The following STK32C variants were observed in gnomAD, a reference collection of about 807,000 sequenced individuals.
STK32C encodes serine/threonine-protein kinase 32C.
Under a neutral mutation model 56.5 loss-of-function variants are expected in STK32C, and 31 were observed. The observed-to-expected ratio is 0.55, with a 90% CI of 0.41 to 0.74. The LOEUF (loss-of-function observed/expected upper bound fraction) is 0.74. Ranked by LOEUF, STK32C falls within the 30% of genes least tolerant of loss-of-function variation. The probability of loss-of-function intolerance (pLI) is 0.00; values close to 1 mark genes in which losing one functional copy is unlikely to be tolerated. For synonymous variants in STK32C, 309 were observed against 289.4 expected (o/e 1.07, Z -0.69); for missense variants, 544 against 676.9 (o/e 0.80, Z 2.18).
intron 1 of STK32C, among the ~76,000 whole-genome samples, chr10:132,283,008 G>C (rs985479581): frequency 3.3e-5 from 5 of 152,190 alleles, no homozygotes; most frequent in Non-Finnish European, 7.4e-5. Context: ...ACATTCCCAG[G>C]GGTCCTGACC....
intron 1 of STK32C, among the ~76,000 whole-genome samples, chr10:132,254,758 G>C: frequency 6.6e-6 from 1 of 150,452 alleles, no homozygotes; most frequent in Admixed American, 6.6e-5. Flanking sequence ...AGGGCGCCGG[G>C]AATCAGCACT....
At chr10:132,221,495 C>T (rs1251791607) in intron 10 of STK32C, among the ~76,000 whole-genome samples, 1 of 141,034 alleles carries the variant, frequency 7.1e-6, no homozygotes, top group East Asian at 2.2e-4. Context: ...GAGGGCTTCA[C>T]GTGGCCATCC....
At chr10:132,305,813 G>A (rs764875906) in intron 1 of STK32C, among the ~76,000 whole-genome samples, 2 of 152,200 alleles carry the variant, frequency 1.3e-5, no homozygotes, top group Non-Finnish European at 2.9e-5. Context: ...TCTGCTATTC[G>A]GGCCAGGGCC....
exon 1 of STK32C, chr10:132,331,672 C>T (rs986985992): frequency 5.6e-6 from 9 of 1,612,696 alleles, no homozygotes; most frequent in African/African-American, 5.3e-5. Flanking sequence ...TTCTTTTCTG[C>T]TCGGCTGTCC....
intron 1 of STK32C, among the ~76,000 whole-genome samples, chr10:132,278,856 T>TA (rs753654398): frequency 6.6e-6 from 1 of 151,820 alleles, no homozygotes; most frequent in Non-Finnish European, 1.5e-5. Context: ...ACAAGGAACT[T>TA]ATACAGATTA....
chr10:132,305,121 C>T (rs536838316), intron 1 of STK32C, among the ~76,000 whole-genome samples: 19 of 152,296 alleles, frequency 1.2e-4, no homozygotes, highest in African/African-American at 4.6e-4. Flanking sequence ...AAGTTCAACC[C>T]CAAAAATGAA....
intron 1 of STK32C, among the ~76,000 whole-genome samples, chr10:132,329,362 C>T (rs1009528483): frequency 4.6e-5 from 7 of 151,916 alleles, no homozygotes; most frequent in African/African-American, 7.3e-5. Context: ...TACAGTGAGC[C>T]GAGATCACAC....
At chr10:132,248,807 G>A (rs2063780923) in intron 1 of STK32C, among the ~76,000 whole-genome samples, 1 of 152,192 alleles carries the variant, frequency 6.6e-6, no homozygotes. Context: ...GCCTCCCCCA[G>A]GACCCCAAGC....
At position 132,257,077 on chromosome 10, in the gene STK32C, G is replaced by T. The variant is rs567142681; in HGVS notation, c.263-11122C>A. Among the ~76,000 whole-genome samples, 11 of 152,320 alleles carry T rather than the reference G, an allele frequency of 7.2e-5. No homozygotes were observed. The East Asian group carries it at 1.5e-3, about 21-fold the overall frequency. ...TGGGCAGGGCCCTGTGTCCTGGGGT[G>T]TGGCTGCACCAAGGGCCACACTCAG... On this transcript the variant is annotated intron_variant, in intron 1 of 11. Transcript: ENST00000298630.
chr10:132,287,976 A>C (rs2065457991), intron 1 of STK32C, among the ~76,000 whole-genome samples: 1 of 152,184 alleles, frequency 6.6e-6, no homozygotes, highest in African/African-American at 2.4e-5. Flanking sequence ...AGTAATAAAT[A>C]GTGTTGAACT....
At chr10:132,331,613 G>T (rs1217876798) in exon 1 of STK32C, 1 of 1,612,896 alleles carries the variant, frequency 6.2e-7, no homozygotes, top group Non-Finnish European at 8.5e-7. Flanking sequence ...GAGCCCAGCG[G>T]GAAGGACAGG....
chr10:132,252,220 G>A (rs917961829), intron 1 of STK32C, among the ~76,000 whole-genome samples: 3 of 152,254 alleles, frequency 2.0e-5, no homozygotes, highest in Admixed American at 6.5e-5. Context: ...CAGGAAGGAG[G>A]GAGACAACCT....
At chr10:132,331,957 G>A, upstream of STK32C, 1 of 498,022 alleles carries the variant, frequency 2.0e-6, no homozygotes, top group Non-Finnish European at 3.3e-6. Context: ...CAGCGCAGGC[G>A]CACCACACCC....
upstream of STK32C, among the ~76,000 whole-genome samples, chr10:132,308,480 A>G (rs1312457023): frequency 1.3e-5 from 2 of 150,278 alleles, no homozygotes; most frequent in Admixed American, 6.6e-5. Context: ...GCCGGGCTGC[A>G]GGCCCGGGAT....
chr10:132,267,453 G>A (rs963013069), intron 1 of STK32C, among the ~76,000 whole-genome samples: 3 of 152,232 alleles, frequency 2.0e-5, no homozygotes, highest in Non-Finnish European at 4.4e-5. Flanking sequence ...GCGTGTGCAT[G>A]CATGTGTATG....
upstream of STK32C, among the ~76,000 whole-genome samples, chr10:132,311,941 G>A (rs1489647993): frequency 6.6e-6 from 1 of 152,178 alleles, no homozygotes; most frequent in Non-Finnish European, 1.5e-5. The surrounding 1 kb of genome is among the most constrained non-coding windows in gnomAD (Gnocchi z 4.4). Context: ...TGGGCAGCAT[G>A]GATTCACCAC....
intron 1 of STK32C, among the ~76,000 whole-genome samples, chr10:132,275,225 A>G (rs1170840614): frequency 2.0e-5 from 3 of 152,190 alleles, no homozygotes; most frequent in African/African-American, 7.2e-5. Context: ...GTCTCTGGGC[A>G]GTGCTGCCCC....
At chr10:132,249,787 T>C (rs1397923726) in intron 1 of STK32C, among the ~76,000 whole-genome samples, 4 of 152,188 alleles carry the variant, frequency 2.6e-5, no homozygotes, top group Admixed American at 2.6e-4. Context: ...TTCAGGCTCC[T>C]GTCCCCAGCT....
chr10:132,224,443 G>T lies in STK32C; in HGVS notation c.957C>A (p.Pro319=). The change falls in exon 8 of 12, where the codon CCC becomes CCA. Residue 319 remains proline (P), a synonymous_variant. Transcript: ENST00000298630. ...LFSTVSVQYV[P]TWSKEMVALL... is the part of the protein sequence containing the mutation. ...AGGCCACCATCTCCTTGGACCACGT[G>T]GGGACATACTGGACGCTCACGGTGC... is the stretch of plus-strand genomic sequence containing the variant. 1 of 1,560,356 alleles carries T rather than the reference G, an allele frequency of 6.4e-7. No individual in the cohort carries two copies.
Sources: allele counts gnomAD v4.1 joint callset (sites outside exome capture counted in the v4.1 genomes callset), GRCh38; gene constraint gnomAD v4.1.1; non-coding constraint Gnocchi (gnomAD v3.1); transcripts MANE v1.5; gene names NCBI Gene and HGNC (gene_info 2026-07-23, HGNC 2026-07-21).